Variants in SESTD1 observed in about 807,000 individuals in gnomAD.
The protein encoded by SESTD1 is SEC14 domain and spectrin repeat-containing protein 1.
A neutral mutation model predicts 101.7 loss-of-function variants in SESTD1; 43 were observed. The observed-to-expected ratio is 0.42, with a 90% CI of 0.33 to 0.55. SESTD1 has a LOEUF of 0.55. SESTD1 is among the 20% of genes least tolerant of loss of function. The probability of loss-of-function intolerance (pLI) is 0.07; values close to 1 mark genes in which losing one functional copy is unlikely to be tolerated. For synonymous variants in SESTD1, 283 were observed against 286.8 expected (o/e 0.99, Z 0.13); for missense variants, 647 against 815.1 (o/e 0.79, Z 2.51).
chr2:179,112,150 G>GCCATA (rs1161445248), intron 17 of SESTD1, among the ~76,000 whole-genome samples: 1 of 152,114 alleles, frequency 6.6e-6, no homozygotes, highest in Middle Eastern at 3.2e-3. Flanking sequence ...AAATTAGAAC[G>GCCATA]CCATATAACA....
rs778982153 is a variant in SESTD1 at position 179,116,714 on chromosome 2, G to A, written c.1601C>T (p.Thr534Met). The A allele has an allele frequency of 1.3e-5, 21 of 1,613,978 alleles. No individual in the cohort carries two copies. The highest frequency in any genetic ancestry group is 5.5e-5 in the South Asian group (5 of 91,082). The change falls in exon 15 of 18, where the codon ACG becomes ATG. Residue 534 changes from threonine to methionine, a missense_variant. Physicochemically the swap from Thr to Met is moderately conservative, Grantham distance 81. This residue lies in a region of SESTD1 where 476 missense variants were observed against 562.6 expected (regional missense o/e 0.85). Coordinates refer to ENST00000428443, the MANE Select transcript of SESTD1 (RefSeq NM_178123.5). ...TCTATGCTTTTCCAGCAAAACTTTC[G>A]TTTCTTGAGCATCATCGCCCAATCT... ...HIRLGDDAQE[T>M]KVLLEKHRKF...
At chr2:179,110,988 G>A (rs546860822) in intron 17 of SESTD1, among the ~76,000 whole-genome samples, 1 of 152,318 alleles carries the variant, frequency 6.6e-6, no homozygotes, top group South Asian at 2.1e-4. Flanking sequence ...GACTATCTGT[G>A]AAACACAGAC....
At chr2:179,135,944 C>A (rs1363416901) in intron 9 of SESTD1, among the ~76,000 whole-genome samples, 1 of 152,180 alleles carries the variant, frequency 6.6e-6, no homozygotes, top group Non-Finnish European at 1.5e-5. Flanking sequence ...TTTTCCTCAA[C>A]ACATCCACTT....
At chr2:179,146,764 T>C (rs1199899587) in intron 7 of SESTD1, among the ~76,000 whole-genome samples, 1 of 152,206 alleles carries the variant, frequency 6.6e-6, no homozygotes, top group Non-Finnish European at 1.5e-5. Flanking sequence ...ATCCAATGAG[T>C]ATTTGTTTCA....
intron 1 of SESTD1, among the ~76,000 whole-genome samples, chr2:179,263,750 GCTGGT>G (rs1169111343): frequency 6.6e-6 from 1 of 152,214 alleles, no homozygotes; most frequent in East Asian, 1.9e-4. Context: ...ACCCTCAAGA[GCTGGT>G]CAGACTGCGG....
At chr2:179,217,669 A>C (rs1021566986) in intron 1 of SESTD1, among the ~76,000 whole-genome samples, 3 of 152,038 alleles carry the variant, frequency 2.0e-5, no homozygotes, top group Non-Finnish European at 4.4e-5. Flanking sequence ...TACTATAAAG[A>C]CACATGCACA....
chr2:179,244,168 C>T (rs1260891977), intron 1 of SESTD1, among the ~76,000 whole-genome samples: 1 of 151,686 alleles, frequency 6.6e-6, no homozygotes, highest in Non-Finnish European at 1.5e-5. Flanking sequence ...TTAAATAAAA[C>T]AAAACCAGCT....
At chr2:179,159,084 G>A (rs530733892) in intron 5 of SESTD1, among the ~76,000 whole-genome samples, 78 of 152,244 alleles carry the variant, frequency 5.1e-4, no homozygotes, top group East Asian at 7.7e-4. Context: ...AAAGAATGAA[G>A]GGAAAAGACA....
intron 1 of SESTD1, among the ~76,000 whole-genome samples, chr2:179,196,261 C>T (rs369044916): frequency 5.3e-5 from 8 of 152,250 alleles, no homozygotes; most frequent in South Asian, 2.1e-4. Context: ...GCTTAAAAAA[C>T]GGCGCACCAG....
chr2:179,250,443 TG>T (rs1250154826), intron 1 of SESTD1, among the ~76,000 whole-genome samples: 18 of 152,302 alleles, frequency 1.2e-4, no homozygotes, highest in African/African-American at 4.3e-4. Context: ...TACTACAGAC[TG>T]GGTAGTTTAA....
chr2:179,188,091 T>C (rs902187422), intron 2 of SESTD1, among the ~76,000 whole-genome samples: 1 of 152,094 alleles, frequency 6.6e-6, no homozygotes, highest in Non-Finnish European at 1.5e-5. Flanking sequence ...CTAATAGACA[T>C]CTACAGAACA....
chr2:179,121,877 G>T lies in SESTD1; in HGVS notation c.1335C>A (p.Ile445=), dbSNP rs759693248. ...REKGQGLLDQ[I]SNQASWAYGK... ...CATAGGCCCAGGATGCCTGATTGGAGATCTGATCCAGGAGACCTTGACCTT... is the reference window on the plus strand; with the variant it reads ...CATAGGCCCAGGATGCCTGATTGGATATCTGATCCAGGAGACCTTGACCTT... The change falls in exon 13 of 18, where the codon ATC becomes ATA. Residue 445 remains isoleucine (I), a synonymous_variant. Coordinates refer to ENST00000428443, the MANE Select transcript of SESTD1 (RefSeq NM_178123.5). 2.8e-5 allele frequency: 45 copies of T among 1,608,688 alleles called. No individual in the cohort carries two copies. In the Admixed American group the frequency reaches 5.1e-4, roughly 18 times the overall value.
intron 16 of SESTD1, 46 bp downstream of exon 16, chr2:179,115,019 T>G: frequency 6.6e-7 from 1 of 1,511,624 alleles, no homozygotes; most frequent in Non-Finnish European, 9.0e-7. Context: ...TTTAAACACA[T>G]ATAATCAATA....
intron 17 of SESTD1, among the ~76,000 whole-genome samples, chr2:179,110,346 C>T (rs2044480581): frequency 6.6e-6 from 1 of 152,084 alleles, no homozygotes; most frequent in Non-Finnish European, 1.5e-5. Flanking sequence ...GATGCACAAA[C>T]ATAAAATTTA....
At chr2:179,121,747 A>G in intron 13 of SESTD1, 23 bp downstream of exon 13, 1 of 1,536,680 alleles carries the variant, frequency 6.5e-7, no homozygotes, top group Non-Finnish European at 8.7e-7. Flanking sequence ...TTTAGTAAAA[A>G]GTAATTAACG....
intron 16 of SESTD1, 86 bp from the exon 17 acceptor site, chr2:179,112,931 G>A (rs1330042920): frequency 1.5e-5 from 21 of 1,433,694 alleles, no homozygotes; most frequent in Non-Finnish European, 1.8e-5. Flanking sequence ...CAAAAAAAAA[G>A]AGAGAAAAGA....
chr2:179,137,312 C>T (rs2045168253), intron 9 of SESTD1, among the ~76,000 whole-genome samples: 1 of 152,072 alleles, frequency 6.6e-6, no homozygotes, highest in Non-Finnish European at 1.5e-5. Context: ...AACTGCATGA[C>T]AGAACATGTA....
At chr2:179,120,817 G>A (rs116323614) in intron 13 of SESTD1, among the ~76,000 whole-genome samples, 5,037 of 152,252 alleles carry the variant, frequency 0.033, 99 homozygotes, top group African/African-American at 0.055. Context: ...TAGCTGTGAG[G>A]AAGAGTTCTA....
At chr2:179,126,993 C>A (rs1022116348) in intron 10 of SESTD1, among the ~76,000 whole-genome samples, 1 of 152,142 alleles carries the variant, frequency 6.6e-6, no homozygotes. Flanking sequence ...ACACAATAGC[C>A]GGTGATTTGC....
Sources: allele counts gnomAD v4.1 joint callset (sites outside exome capture counted in the v4.1 genomes callset), GRCh38; gene constraint gnomAD v4.1.1; regional missense constraint gnomAD v4.1.1; transcripts MANE v1.5; gene names NCBI Gene and HGNC (gene_info 2026-07-23, HGNC 2026-07-21).